Variants in ZNF282 observed in about 807,000 individuals in gnomAD.
The protein encoded by ZNF282 is zinc finger protein 282.
Under a neutral mutation model 61.9 loss-of-function variants are expected in ZNF282, and 30 were observed. The observed-to-expected ratio is 0.48, with a 90% CI of 0.36 to 0.66. The LOEUF (loss-of-function observed/expected upper bound fraction) is 0.66, where lower values mean the gene tolerates loss of function less well. ZNF282 is among the 30% of genes least tolerant of loss of function. The pLI is 0.00. For synonymous variants in ZNF282, 396 were observed against 405.0 expected (o/e 0.98, Z 0.27); for missense variants, 788 against 941.4 (o/e 0.84, Z 2.13).
At chr7:149,219,482 T>C (rs1796204782) in intron 7 of ZNF282, among the ~76,000 whole-genome samples, 2 of 152,198 alleles carry the variant, frequency 1.3e-5, no homozygotes, top group South Asian at 2.1e-4. Context: ...CCATGAGTGG[T>C]TGCATATGCA....
In ZNF282 at chr7:149,213,774, C is replaced by T. The variant is rs578062173; in HGVS notation, c.1140C>T (p.Arg380=). The change falls in exon 7 of 8, where the codon CGC becomes CGT. Residue 380 remains arginine (R), a synonymous_variant. Coordinates refer to ENST00000610704, the MANE Select transcript of ZNF282 (RefSeq NM_003575.4). ...QEEQPYPWGP[R]DSMDGELGLD... is the part of the protein sequence containing the mutation. ...AGCAGCCATACCCATGGGGACCACG[C>T]GACTCAATGGACGGAGAGCTTGGAT... 1.4e-5 allele frequency: 22 copies of T among 1,613,810 alleles called. No homozygotes were observed. The highest frequency in any genetic ancestry group is 5.3e-5 in the African/African-American group (4 of 74,854).
At chr7:149,213,842 G>A in intron 7 of ZNF282, 28 bp downstream of exon 7, 1 of 1,557,302 alleles carries the variant, frequency 6.4e-7, no homozygotes, top group South Asian at 1.1e-5. Context: ...CTAGACCCTG[G>A]GGTTTCTTCT....
intron 7 of ZNF282, among the ~76,000 whole-genome samples, chr7:149,220,133 G>T (rs764505467): frequency 6.6e-6 from 1 of 152,174 alleles, no homozygotes; most frequent in Admixed American, 6.5e-5. Flanking sequence ...AAGAAGCCGG[G>T]CACGGTGGCT....
At chr7:149,212,293 A>G (rs1279232091) in intron 5 of ZNF282, 65 bp from the exon 6 acceptor site, 1 of 1,134,020 alleles carries the variant, frequency 8.8e-7, no homozygotes, top group East Asian at 2.6e-5. Context: ...GATTTACTCA[A>G]AACACAAACT....
In ZNF282 at chr7:149,224,843, G is replaced by A. The variant is rs994742524; in HGVS notation, c.*196G>A. ...ATGGACGCCCAGCTCATCTAGGGTG[G>A]ACCCAGCTGCTGGGGAAGAGCCAGG... is the stretch of plus-strand genomic sequence containing the variant. On this transcript the variant is annotated 3_prime_UTR_variant, in exon 8 of 8. Transcript: ENST00000610704. 2.9e-5 allele frequency: 31 copies of A among 1,055,656 alleles called. No individual in the cohort carries two copies. Among genetic ancestry groups the A allele is most frequent in the Non-Finnish European group, 4.1e-5 (31 of 761,078 alleles). 65.4% of individuals were successfully genotyped at this position (1,055,656 alleles called of 1,614,324 possible). A position where few individuals can be genotyped will look rare whatever the true frequency, so the allele number is the denominator to read the frequency against.
At chr7:149,216,567 A>T (rs1278658833) in intron 7 of ZNF282, among the ~76,000 whole-genome samples, 1 of 152,166 alleles carries the variant, frequency 6.6e-6, no homozygotes, top group African/African-American at 2.4e-5. Context: ...CCTATTTATC[A>T]GTGTTGGAAT....
At chr7:149,218,623 C>T (rs1167431043) in intron 7 of ZNF282, among the ~76,000 whole-genome samples, 2 of 151,796 alleles carry the variant, frequency 1.3e-5, no homozygotes, top group Admixed American at 6.6e-5. Context: ...CCAACATCAG[C>T]GACCTGTAAT....
rs1795863801 is a variant in ZNF282 at position 149,198,838 on chromosome 7, C to T, written c.585+86C>T. ...TTGATTTCATTTTGTCAGCCCTTCTCATAAACTTCTCTGGCTCCCCGTTAT... is the reference window on the plus strand; with the variant it reads ...TTGATTTCATTTTGTCAGCCCTTCTTATAAACTTCTCTGGCTCCCCGTTAT... On this transcript the variant is annotated intron_variant, in intron 2 of 7. Transcript: ENST00000610704. This position sits in a 1 kb window ranked among gnomAD's most constrained non-coding sequence, Gnocchi z 4.3. The T allele has an allele frequency of 6.7e-6, 10 of 1,492,934 alleles. No individual in the cohort carries two copies. In the South Asian group the frequency reaches 6.7e-5, roughly 10 times the overall value. 92.5% of individuals were successfully genotyped at this position (1,492,934 alleles called of 1,614,324 possible). A position where few individuals can be genotyped will look rare whatever the true frequency, so the allele number is the denominator to read the frequency against.
intron 4 of ZNF282, among the ~76,000 whole-genome samples, chr7:149,208,785 G>T (rs1175074408): frequency 6.6e-6 from 1 of 151,264 alleles, no homozygotes; most frequent in Non-Finnish European, 1.5e-5. Flanking sequence ...TTGGGAGGCC[G>T]AGGTGGGCGG....
intron 3 of ZNF282, 140 bp from the exon 4 acceptor site, chr7:149,207,211 G>A (rs562012127): frequency 2.7e-5 from 29 of 1,056,616 alleles, no homozygotes; most frequent in Non-Finnish European, 3.3e-5. Context: ...CAGATTACCC[G>A]CCTAACTCGC....
In ZNF282 at chr7:149,195,670, G is replaced by T; in HGVS notation, c.81G>T (p.Trp27Cys). The change falls in exon 1 of 8, where the codon TGG becomes TGT. Residue 27 changes from tryptophan (W) to cysteine (C), a missense_variant. By Grantham distance (215) the Trp-to-Cys change is radical. Transcript: ENST00000610704. ...GGCTGGACAGCGGGAGCTGGAGCTGGGCCCAGGCTCTGCCCCCGGAGGAGG... is the reference window on the plus strand; with the variant it reads ...GGCTGGACAGCGGGAGCTGGAGCTGTGCCCAGGCTCTGCCCCCGGAGGAGG... Reference protein sequence around the residue: ...GLGLDSGSWSWAQALPPEEVC... With the variant: ...GLGLDSGSWSCAQALPPEEVC... 1 of 1,594,856 alleles carries T rather than the reference G, an allele frequency of 6.3e-7. No individual in the cohort carries two copies. The highest frequency in any genetic ancestry group is 8.5e-7 in the Non-Finnish European group (1 of 1,172,024).
intron 2 of ZNF282, among the ~76,000 whole-genome samples, chr7:149,200,160 C>G (rs902949564): frequency 6.6e-5 from 10 of 152,296 alleles, no homozygotes; most frequent in Non-Finnish European, 1.0e-4. Flanking sequence ...TTTTGCATCT[C>G]GCTGTCTGGA....
chr7:149,197,076 C>T (rs995740788), intron 1 of ZNF282, among the ~76,000 whole-genome samples: 4 of 152,248 alleles, frequency 2.6e-5, no homozygotes, highest in Non-Finnish European at 5.9e-5. Flanking sequence ...AGTCTGACAC[C>T]AGGTCCCAGA....
chr7:149,206,243 C>T (rs562609160), intron 2 of ZNF282, among the ~76,000 whole-genome samples: 1 of 152,264 alleles, frequency 6.6e-6, no homozygotes, highest in African/African-American at 2.4e-5. Flanking sequence ...TTAGCACAGG[C>T]CTTAGATTTT....
At chr7:149,197,726 G>T (rs868722561) in intron 1 of ZNF282, among the ~76,000 whole-genome samples, 2 of 152,208 alleles carry the variant, frequency 1.3e-5, no homozygotes, top group Non-Finnish European at 2.9e-5. Context: ...GCCTGCCTTG[G>T]CCTCCCAAAG....
chr7:149,223,440 C>G (rs191941864), intron 7 of ZNF282, among the ~76,000 whole-genome samples: 2 of 152,096 alleles, frequency 1.3e-5, no homozygotes, highest in Non-Finnish European at 2.9e-5. Flanking sequence ...AGAGCCAGAC[C>G]CTGTCTGGAA....
intron 2 of ZNF282, among the ~76,000 whole-genome samples, chr7:149,203,676 A>G (rs923525302): frequency 2.0e-5 from 3 of 152,104 alleles, no homozygotes; most frequent in Non-Finnish European, 4.4e-5. Flanking sequence ...TGATTTTCCT[A>G]TCATTGGTCA....
At chr7:149,218,064 C>T (rs1796186260) in intron 7 of ZNF282, among the ~76,000 whole-genome samples, 1 of 148,280 alleles carries the variant, frequency 6.7e-6, no homozygotes, top group African/African-American at 2.5e-5. Context: ...GATCATGCCA[C>T]TGCACTCCAG....
chr7:149,212,739 C>G (rs1194263362), intron 6 of ZNF282, among the ~76,000 whole-genome samples: 1 of 152,096 alleles, frequency 6.6e-6, no homozygotes, highest in South Asian at 2.1e-4. Context: ...TGCCACCACA[C>G]CTGGCTCATT....
Sources: allele counts gnomAD v4.1 joint callset (sites outside exome capture counted in the v4.1 genomes callset), GRCh38; gene constraint gnomAD v4.1.1; non-coding constraint Gnocchi (gnomAD v3.1); transcripts MANE v1.5; gene names NCBI Gene and HGNC (gene_info 2026-07-23, HGNC 2026-07-21).